FBN2: variants seen among roughly 807,000 people sequenced by gnomAD.
The protein encoded by FBN2 is fibrillin-2.
FBN2 carries 105 observed loss-of-function variants against 355.6 expected under a neutral mutation model. The ratio of observed to expected loss-of-function variants is 0.30; its 90% CI spans 0.25 to 0.35. The LOEUF (loss-of-function observed/expected upper bound fraction) is 0.35. Among genes scored for constraint, FBN2 ranks in the 10% least tolerant of loss-of-function variants. FBN2 has a pLI of 1.00. For synonymous variants in FBN2, 1,350 were observed against 1,301.2 expected (o/e 1.04, Z -0.81); for missense variants, 3,280 against 3,758.7 (o/e 0.87, Z 3.33).
chr5:128,396,697 T>C (rs1278301188), intron 8 of FBN2, among the ~76,000 whole-genome samples: 1 of 152,250 alleles, frequency 6.6e-6, no homozygotes, highest in African/African-American at 2.4e-5. Flanking sequence ...ATATCATCTG[T>C]AAACTTTATG....
Position 128,388,530 on chromosome 5 carries a change from T to A in FBN2, c.1603+3488A>T, listed in dbSNP as rs146049617. On this transcript the variant is annotated intron_variant, in intron 11 of 64. Coordinates refer to ENST00000262464, the MANE Select transcript of FBN2 (RefSeq NM_001999.4). ...CTCAAGGACCTCTTGGTAAGGCAGG[T>A]CTGGTGGCAAATTCCTTCAGCATTT... 3.1e-3 allele frequency among the ~76,000 whole-genome samples: 466 copies of A among 152,306 alleles called. 3 individuals carry two copies. The highest frequency in any genetic ancestry group is 0.011 in the African/African-American group (448 of 41,578).
At chr5:128,515,079 A>G (rs757625363) in intron 5 of FBN2, among the ~76,000 whole-genome samples, 59 of 152,290 alleles carry the variant, frequency 3.9e-4, no homozygotes, top group Non-Finnish European at 6.5e-4. Context: ...ATTAACAAGT[A>G]TATCAGTTAT....
intron 20 of FBN2, among the ~76,000 whole-genome samples, chr5:128,354,912 G>A (rs185736874): frequency 2.1e-4 from 32 of 152,328 alleles, no homozygotes; most frequent in Non-Finnish European, 8.8e-5. Context: ...TGGTGGCAAG[G>A]TTGAGGCCTA....
chr5:128,356,582 A>G (rs531541571), intron 20 of FBN2, among the ~76,000 whole-genome samples: 1 of 152,262 alleles, frequency 6.6e-6, no homozygotes, highest in Non-Finnish European at 1.5e-5. Context: ...AGAGGCTAGA[A>G]GTAGGGAAAA....
rs1202188687 is a variant in FBN2, at chr5:128,301,385, T to C, written c.6043A>G (p.Ile2015Val). 2.5e-6 allele frequency: 4 copies of C among 1,612,790 alleles called. No homozygotes were observed. The highest frequency in any genetic ancestry group is 2.2e-5 in the East Asian group (1 of 44,802). ...TGCTTATTATTTAAATACTTACCTA[T>C]ACAGTTTTTGCCATCTGGGGTAAGT... ...YELTPDGKNCIDTNECVALPG... is the reference protein window; with the variant it reads ...YELTPDGKNCVDTNECVALPG... Residue 2015 changes from isoleucine to valine, a missense_variant, in exon 47 of 65, where the codon ATA becomes GTA. By Grantham distance (29) the Ile-to-Val change is conservative (BLOSUM62 3). Coordinates refer to ENST00000262464, the MANE Select transcript of FBN2 (RefSeq NM_001999.4).
intron 36 of FBN2, among the ~76,000 whole-genome samples, chr5:128,314,807 G>A (rs914493010): frequency 5.9e-5 from 9 of 151,960 alleles, no homozygotes; most frequent in African/African-American, 1.9e-4. Context: ...CATTTTAAAT[G>A]TACACAAATG....
At chr5:128,388,589 G>A (rs915119808) in intron 11 of FBN2, among the ~76,000 whole-genome samples, 12 of 152,040 alleles carry the variant, frequency 7.9e-5, no homozygotes, top group Admixed American at 2.0e-4. Context: ...TCCCCTTCAC[G>A]TATGAAGCTT....
chr5:128,437,776 A>G lies in FBN2; in HGVS notation c.952+8705T>C, dbSNP rs577849586. ...AGATAGATAAATAGTATGTATGTAT[A>G]GATAGATAGATAGATAGATAGATAG... is the stretch of plus-strand genomic sequence containing the variant. On this transcript the variant is annotated intron_variant, in intron 7 of 64. Transcript: ENST00000262464. Among the ~76,000 whole-genome samples, 20 of 11,708 alleles carry G rather than the reference A, an allele frequency of 1.7e-3. 2 individuals are homozygous for G. The South Asian group carries it at 0.054, about 32-fold the overall frequency. 7.7% of individuals were successfully genotyped at this position (11,708 alleles called of 152,430 possible).
chr5:128,289,903 T>C lies in FBN2; in HGVS notation c.6490A>G (p.Ser2164Gly), dbSNP rs763160605. The change falls in exon 51 of 65, where the codon AGT becomes GGT. Residue 2164 changes from serine to glycine, a missense_variant. By Grantham distance (56) the Ser-to-Gly change is moderately conservative. Around this residue, in one of 6 missense-constraint regions of FBN2, gnomAD observed 2,284 missense variants for 2,749.5 expected, o/e 0.83. Transcript: ENST00000262464. ...LCPYGHGTVP[S>G]LHDTREDVNE... ...GTACCTTCACGTGTATCATGAAGAC[T>C]AGGGACAGTTCCATGGCCATATGGA... The C allele has an allele frequency of 1.6e-5, 25 of 1,601,670 alleles. No homozygotes were observed. Among genetic ancestry groups the C allele is most frequent in the African/African-American group, 4.0e-5 (3 of 74,734 alleles).
rs914606664 is a variant in FBN2 at position 128,382,292 on chromosome 5, C to G, written c.1604-3402G>C. On this transcript the variant is annotated intron_variant, in intron 11 of 64. Coordinates refer to ENST00000262464, the MANE Select transcript of FBN2 (RefSeq NM_001999.4). The stretch of plus-strand genomic sequence containing the variant: ...TTTTCTCTTGAAAGTGTGCCCTTCC[C>G]TAACTTCAGGAACATAATTCTCCAT... Among the ~76,000 whole-genome samples the G allele has an allele frequency of 3.3e-5, 5 of 152,066 alleles. No individual in the cohort carries two copies. In the South Asian group the frequency reaches 1.0e-3, roughly 32 times the overall value.
chr5:128,439,084 C>G (rs1163722517), intron 7 of FBN2, among the ~76,000 whole-genome samples: 1 of 152,106 alleles, frequency 6.6e-6, no homozygotes, highest in Non-Finnish European at 1.5e-5. Context: ...TGTCTGCTAT[C>G]TTTTCGTAAG....
chr5:128,445,776 C>T lies in FBN2; in HGVS notation c.952+705G>A, dbSNP rs145918006. 1.2e-4 allele frequency among the ~76,000 whole-genome samples: 19 copies of T among 152,148 alleles called. No individual in the cohort carries two copies. The East Asian group carries it at 3.5e-3, about 28-fold the overall frequency. On this transcript the variant is annotated intron_variant, in intron 7 of 64. Coordinates refer to ENST00000262464, the MANE Select transcript of FBN2 (RefSeq NM_001999.4). ...TTCTAAATATCCATGATCATTGAAGCCACATGCACTTAGAAACTTCTTGAA... is the reference window on the plus strand; with the variant it reads ...TTCTAAATATCCATGATCATTGAAGTCACATGCACTTAGAAACTTCTTGAA...
intron 7 of FBN2, among the ~76,000 whole-genome samples, chr5:128,419,713 C>A (rs1005424184): frequency 4.6e-5 from 7 of 152,070 alleles, no homozygotes; most frequent in African/African-American, 1.7e-4. Flanking sequence ...TGTTTTGAGA[C>A]AAGAGTTTTG....
intron 19 of FBN2, 131 bp downstream of exon 19, chr5:128,361,592 G>T: frequency 8.4e-7 from 1 of 1,184,824 alleles, no homozygotes; most frequent in Non-Finnish European, 1.2e-6. Flanking sequence ...TGGCAGATTA[G>T]CTAAATGAGA....
intron 34 of FBN2, among the ~76,000 whole-genome samples, chr5:128,325,965 T>C (rs1308262358): frequency 6.6e-6 from 1 of 152,236 alleles, no homozygotes; most frequent in Non-Finnish European, 1.5e-5. Context: ...ACTACATTTA[T>C]GATTTTATTA....
At chr5:128,423,549 T>C (rs1753408263) in intron 7 of FBN2, among the ~76,000 whole-genome samples, 2 of 152,168 alleles carry the variant, frequency 1.3e-5, no homozygotes, top group Admixed American at 1.3e-4. Flanking sequence ...ATGGGGATTA[T>C]TGCAACTCAG....
At chr5:128,356,118 C>A (rs1751494100) in intron 20 of FBN2, among the ~76,000 whole-genome samples, 1 of 152,106 alleles carries the variant, frequency 6.6e-6, no homozygotes, top group Non-Finnish European at 1.5e-5. Context: ...TTAGTGGCTC[C>A]AACCCACACA....
intron 7 of FBN2, among the ~76,000 whole-genome samples, chr5:128,416,719 G>C (rs1335077383): frequency 6.6e-6 from 1 of 152,104 alleles, no homozygotes; most frequent in Non-Finnish European, 1.5e-5. Context: ...GTAAATAGGA[G>C]GATTTATTTC....
At chr5:128,459,999 A>G (rs1754514771) in intron 6 of FBN2, among the ~76,000 whole-genome samples, 1 of 152,214 alleles carries the variant, frequency 6.6e-6, no homozygotes. Context: ...AAGGGTATTT[A>G]AATAGGAAGA....
Sources: allele counts gnomAD v4.1 joint callset (sites outside exome capture counted in the v4.1 genomes callset), GRCh38; gene constraint gnomAD v4.1.1; regional missense constraint gnomAD v4.1.1; transcripts MANE v1.5; gene names NCBI Gene and HGNC (gene_info 2026-07-23, HGNC 2026-07-21).